The following TEKT5 variants were observed in gnomAD, a reference collection of about 807,000 sequenced individuals.
TEKT5 encodes tektin-5.
In TEKT5, 52 loss-of-function variants were observed where a neutral mutation model predicts 48.7. That is an observed-to-expected ratio of 1.07 (90% CI 0.86 to 1.35). The LOEUF (loss-of-function observed/expected upper bound fraction) is 1.35, where lower values mean the gene tolerates loss of function less well. Ranked by LOEUF, TEKT5 falls within the 40% of genes most tolerant of loss-of-function variation. TEKT5 has a pLI of 0.00. For missense variants in TEKT5, 831 were observed against 641.6 expected, an observed-to-expected ratio of 1.30 and a Z score of -3.19; for synonymous variants, 318 against 267.6, an observed-to-expected ratio of 1.19 and a Z score of -1.84.
rs529805298 is a variant in TEKT5, at chr16:10,633,462, G to T, written c.1241+2302C>A. 4.6e-5 allele frequency among the ~76,000 whole-genome samples: 7 copies of T among 152,264 alleles called. No homozygotes were observed. In the East Asian group the frequency reaches 1.4e-3, roughly 29 times the overall value. On this transcript the variant is annotated intron_variant, in intron 6 of 6. Transcript: ENST00000283025. ...ATCGAAGAAGCAGGGGCAGAGGGAA[G>T]AGAGGTCAGCAGAGCCCAGCCCCCA...
chr16:10,694,320 C>T lies in TEKT5; in HGVS notation c.554G>A (p.Cys185Tyr). 1 of 1,596,582 alleles carries T rather than the reference C, an allele frequency of 6.3e-7. No individual in the cohort carries two copies. Among genetic ancestry groups the T allele is most frequent in the Non-Finnish European group, 8.5e-7 (1 of 1,171,122 alleles). ...CACCCCTGTACTCACCTGCAATGGG[C>T]AGTTCACCTCATTGGCCGCGCACTC... ...RLECAANEVNCPLQVALECLY... is the reference protein window; with the variant it reads ...RLECAANEVNYPLQVALECLY... The change falls in exon 1 of 7, where the codon TGC (cysteine) becomes TAC (tyrosine). Residue 185 changes from cysteine to tyrosine, a missense_variant. Physicochemically the swap from Cys to Tyr is radical, Grantham distance 194 (BLOSUM62 -2). Coordinates refer to ENST00000283025, the MANE Select transcript of TEKT5 (RefSeq NM_144674.2).
chr16:10,650,292 G>A (rs1898134290), intron 5 of TEKT5, among the ~76,000 whole-genome samples: 3 of 151,786 alleles, frequency 2.0e-5, no homozygotes, highest in Admixed American at 2.0e-4. Context: ...GTGGAGACAG[G>A]GTTTCACCAT....
At chr16:10,661,548 G>A (rs1159446053) in intron 5 of TEKT5, among the ~76,000 whole-genome samples, 1 of 152,266 alleles carries the variant, frequency 6.6e-6, no homozygotes, top group Admixed American at 6.5e-5. Flanking sequence ...AGGATAGACA[G>A]AGGGGACAAT....
chr16:10,656,267 A>AT (rs1430915471), intron 5 of TEKT5, among the ~76,000 whole-genome samples: 2 of 151,934 alleles, frequency 1.3e-5, no homozygotes, highest in Non-Finnish European at 2.9e-5. Flanking sequence ...TTTTATTTTT[A>AT]TTTTTTTGAG....
At chr16:10,632,383 C>T (rs1446789091) in intron 6 of TEKT5, among the ~76,000 whole-genome samples, 2 of 152,096 alleles carry the variant, frequency 1.3e-5, no homozygotes, top group African/African-American at 4.8e-5. Context: ...CTGCAGCCTC[C>T]AACTTCTGTG....
chr16:10,669,463 A>C (rs988043697), intron 5 of TEKT5, among the ~76,000 whole-genome samples: 4 of 152,208 alleles, frequency 2.6e-5, no homozygotes, highest in African/African-American at 9.6e-5. Context: ...TGTCTCCAAA[A>C]AAAAATTATA....
At chr16:10,682,227 A>G (rs1386061583) in intron 3 of TEKT5, 91 bp from the exon 4 acceptor site, 1 of 1,479,746 alleles carries the variant, frequency 6.8e-7, no homozygotes, top group Non-Finnish European at 9.1e-7. Context: ...CAAGCCCTGG[A>G]CTCCCAGAAA....
intron 1 of TEKT5, chr16:10,692,808 A>C (rs1284232774): frequency 6.6e-6 from 1 of 152,244 alleles, no homozygotes; most frequent in Non-Finnish European, 1.5e-5. Flanking sequence ...TAAAATGCAA[A>C]ACCTCCTTGG....
At chr16:10,683,865 T>C (rs1898805338) in intron 3 of TEKT5, among the ~76,000 whole-genome samples, 2 of 152,212 alleles carry the variant, frequency 1.3e-5, no homozygotes, top group East Asian at 3.8e-4. Flanking sequence ...AGTGCTGGGA[T>C]TATAGGCATA....
At chr16:10,692,513 C>CA (rs1467021993) in intron 1 of TEKT5, 1 of 152,308 alleles carries the variant, frequency 6.6e-6, no homozygotes, top group Admixed American at 6.5e-5. Flanking sequence ...AGTCAGTTCC[C>CA]ATAGGTGCTG....
At chr16:10,659,441 G>C (rs527597947) in intron 5 of TEKT5, among the ~76,000 whole-genome samples, 2 of 152,258 alleles carry the variant, frequency 1.3e-5, no homozygotes, top group African/African-American at 4.8e-5. Context: ...GTGCAGTGGT[G>C]CAATCTCGGC....
At chr16:10,638,137 C>T (rs941483445) in intron 5 of TEKT5, among the ~76,000 whole-genome samples, 1 of 152,100 alleles carries the variant, frequency 6.6e-6, no homozygotes, top group Non-Finnish European at 1.5e-5. Flanking sequence ...ATTCTCTCTA[C>T]TTCTGTGTGT....
chr16:10,630,232 C>A lies in TEKT5; in HGVS notation c.1242-2433G>T, dbSNP rs1897818823. Among the ~76,000 whole-genome samples, 4 of 151,202 alleles carry A rather than the reference C, an allele frequency of 2.6e-5. No individual in the cohort carries two copies. The South Asian group carries it at 8.3e-4, about 31-fold the overall frequency. The stretch of plus-strand genomic sequence containing the variant: ...TACAGGCATGAGCCACCGCACCCAG[C>A]TGATTTTAATTTTTTTTTTTTTAGA... On this transcript the variant is annotated intron_variant, in intron 6 of 6. Coordinates refer to ENST00000283025, the MANE Select transcript of TEKT5 (RefSeq NM_144674.2).
intron 3 of TEKT5, among the ~76,000 whole-genome samples, chr16:10,683,431 C>T (rs1226023540): frequency 6.9e-6 from 1 of 144,560 alleles, no homozygotes; most frequent in Non-Finnish European, 1.5e-5. Flanking sequence ...GGATCAGGGC[C>T]AGGGCTTAAG....
intron 5 of TEKT5, among the ~76,000 whole-genome samples, chr16:10,653,597 T>A (rs1898206606): frequency 6.6e-6 from 1 of 152,228 alleles, no homozygotes; most frequent in African/African-American, 2.4e-5. Context: ...CTTGTTCTTT[T>A]GTCTGTAAAA....
At chr16:10,673,408 G>C (rs905633711) in intron 5 of TEKT5, among the ~76,000 whole-genome samples, 14 of 152,196 alleles carry the variant, frequency 9.2e-5, no homozygotes, top group Non-Finnish European at 1.8e-4. Flanking sequence ...GCTGAAAACA[G>C]TTATCATCTA....
chr16:10,648,128 G>A (rs1898099307), intron 5 of TEKT5, among the ~76,000 whole-genome samples: 1 of 152,152 alleles, frequency 6.6e-6, no homozygotes, highest in Non-Finnish European at 1.5e-5. Flanking sequence ...CACAAAAAAA[G>A]GCACCATGTC....
chr16:10,685,023 G>C (rs1898836443), intron 3 of TEKT5, among the ~76,000 whole-genome samples: 1 of 152,206 alleles, frequency 6.6e-6, no homozygotes, highest in South Asian at 2.1e-4. Context: ...TGAGGCTCTG[G>C]CTGGCTCTCG....
chr16:10,635,702 C>T, intron 6 of TEKT5, 62 bp downstream of exon 6: 1 of 1,574,470 alleles, frequency 6.4e-7, no homozygotes, highest in Non-Finnish European at 8.6e-7. Context: ...TCCTGAGACT[C>T]ACCCCTTCCC....
Sources: gnomAD v4.1 joint callset for allele counts (sites outside exome capture counted in the v4.1 genomes callset) on GRCh38, gnomAD v4.1.1 for gene constraint, MANE v1.5 for transcripts, NCBI Gene and HGNC (gene_info 2026-07-23, HGNC 2026-07-21) for gene names.